Variants in CD300E observed in about 807,000 individuals in gnomAD.
The protein encoded by CD300E is CMRF35-like molecule 2.
CD300E carries 14 observed loss-of-function variants against 20.9 expected under a neutral mutation model. The observed-to-expected ratio is 0.67, with a 90% CI of 0.44 to 1.05. CD300E has a LOEUF of 1.05. Among genes scored for constraint, CD300E ranks in the 50% least tolerant of loss-of-function variants. The pLI is 0.00. For synonymous variants in CD300E, 102 were observed against 103.7 expected (o/e 0.98, Z 0.10); for missense variants, 237 against 253.9 (o/e 0.93, Z 0.45).
rs528305524 is a variant in CD300E at position 74,623,724 on chromosome 17, T to C, written c.-103A>G. 1 of 1,188,598 alleles carries C rather than the reference T, an allele frequency of 8.4e-7. No individual in the cohort carries two copies. Among genetic ancestry groups the C allele is most frequent in the South Asian group, 1.2e-5 (1 of 82,200 alleles). The allele number at this position is 1,188,598 out of a possible 1,614,324, so 73.6% of individuals were successfully genotyped here. On this transcript the variant is annotated 5_prime_UTR_variant, in exon 1 of 4. Coordinates refer to ENST00000392619, the MANE Select transcript of CD300E (RefSeq NM_181449.3). ...TCATCCACTTTCTACTTGTCCAAGT[T>C]TCCTTTGTGTTCTCACTCATCTATT...
intron 2 of CD300E, among the ~76,000 whole-genome samples, chr17:74,614,279 C>G (rs2030850898): frequency 1.3e-5 from 2 of 152,030 alleles, no homozygotes; most frequent in South Asian, 2.1e-4. Flanking sequence ...AAGACTCTTA[C>G]CACTCTGCCC....
chr17:74,621,120 A>T (rs999379587), intron 1 of CD300E, among the ~76,000 whole-genome samples: 1 of 152,210 alleles, frequency 6.6e-6, no homozygotes, highest in Non-Finnish European at 1.5e-5. Context: ...AGACCCTCAG[A>T]TGTAGAGCAT....
Position 74,612,667 on chromosome 17 carries a change from G to T in CD300E, c.604C>A (p.Pro202Thr). The T allele has an allele frequency of 3.7e-6, 6 of 1,613,674 alleles. No homozygotes were observed. Among genetic ancestry groups the T allele is most frequent in the Non-Finnish European group, 5.1e-6 (6 of 1,179,952 alleles). ...TCAGCCTGGCTCTATCTTCCAGGAG[G>T]AGCCCACTGAGGCCTGTTCACCCAG... ...VFWVNRPQWAPPGR is the reference protein window; with the variant it reads ...VFWVNRPQWATPGR Residue 202 changes from proline (P) to threonine (T), a missense_variant, in exon 4 of 4, where the codon CCT becomes ACT. Physicochemically the swap from Pro to Thr is conservative, Grantham distance 38. Transcript: ENST00000392619.
intron 1 of CD300E, 110 bp from the exon 2 acceptor site, chr17:74,617,575 G>A (rs1254695891): frequency 2.3e-6 from 2 of 888,164 alleles, no homozygotes; most frequent in African/African-American, 3.4e-5. Flanking sequence ...TGTTTCCTGG[G>A]AGGGGAACCT....
chr17:74,612,722 G>A lies in CD300E; in HGVS notation c.549C>T (p.Pro183=), dbSNP rs148834619. The change falls in exon 4 of 4, where the codon CCC becomes CCT. Residue 183 remains proline, a synonymous_variant. Transcript: ENST00000392619. ...HFLLVVLLKL[P]LLLSMLGAVF... ...CAGCACCCAGCATGCTCAGGAGCAGGGGCAGCTTCAGAAGGACCACGAGCA... is the reference window on the plus strand; with the variant it reads ...CAGCACCCAGCATGCTCAGGAGCAGAGGCAGCTTCAGAAGGACCACGAGCA... The A allele has an allele frequency of 4.4e-3, 7,027 of 1,614,004 alleles. 18 individuals carry two copies. The highest frequency in any genetic ancestry group is 5.5e-3 in the Non-Finnish European group (6,520 of 1,179,982).
intron 3 of CD300E, 22 bp downstream of exon 3, chr17:74,613,903 C>A: frequency 1.9e-6 from 3 of 1,579,558 alleles, no homozygotes; most frequent in Non-Finnish European, 2.6e-6. Flanking sequence ...CCCTCCATGG[C>A]CTCCAGGCCC....
At chr17:74,619,437 T>C (rs1230821059) in intron 1 of CD300E, 8 of 196,768 alleles carry the variant, frequency 4.1e-5, no homozygotes, top group Non-Finnish European at 8.5e-5. Context: ...TCCAGGCTCC[T>C]TCCAGCCCAA....
chr17:74,622,374 C>T (rs1220517665), intron 1 of CD300E, among the ~76,000 whole-genome samples: 1 of 151,920 alleles, frequency 6.6e-6, no homozygotes, highest in Admixed American at 6.5e-5. Flanking sequence ...TTTGGGAGGT[C>T]AAGAGAGGAG....
intron 1 of CD300E, among the ~76,000 whole-genome samples, chr17:74,618,442 A>T (rs1001643461): frequency 6.6e-6 from 1 of 152,182 alleles, no homozygotes; most frequent in Admixed American, 6.5e-5. Flanking sequence ...AAGAGGATGA[A>T]TACGCGCAGG....
intron 1 of CD300E, chr17:74,619,165 T>C (rs951953614): frequency 1.5e-5 from 7 of 470,562 alleles, no homozygotes; most frequent in South Asian, 3.1e-5. Context: ...TCCTTCTAGG[T>C]TCTGGACAGA....
chr17:74,612,846 C>G (rs1023488406), intron 3 of CD300E, 73 bp from the exon 4 acceptor site: 25 of 1,574,906 alleles, frequency 1.6e-5, no homozygotes, highest in Admixed American at 1.2e-4. Flanking sequence ...CCACCTCTCC[C>G]CATGCTCTGA....
intron 1 of CD300E, among the ~76,000 whole-genome samples, chr17:74,620,297 C>G (rs966072402): frequency 6.6e-6 from 1 of 152,098 alleles, no homozygotes; most frequent in East Asian, 1.9e-4. Flanking sequence ...CATGGTGAAA[C>G]CCCGTCTATA....
At position 74,617,486 on chromosome 17, in the gene CD300E, T is replaced by C. The variant is rs770377809; in HGVS notation, c.41-21A>G. 6.9e-6 allele frequency: 11 copies of C among 1,590,952 alleles called. No homozygotes were observed. In the East Asian group the frequency reaches 2.5e-4, roughly 36 times the overall value. ...ACAGCCTGGAAAACACAAGCCCGAG[T>C]CCCAAGTCTCCATCCAGATGGCCCC... On this transcript the variant is annotated intron_variant, in intron 1 of 3. Coordinates refer to ENST00000392619, the MANE Select transcript of CD300E (RefSeq NM_181449.3).
In CD300E at chr17:74,623,694, C is replaced by G. The variant is rs746484713; in HGVS notation, c.-73G>C. On this transcript the variant is annotated 5_prime_UTR_variant, in exon 1 of 4. Transcript: ENST00000392619. ...GGAATCCAAGTATATGTAACGGAGC[C>G]TGGGTCATCCACTTTCTACTTGTCC... The G allele has an allele frequency of 1.1e-5, 17 of 1,491,780 alleles. No homozygotes were observed. Among genetic ancestry groups the G allele is most frequent in the African/African-American group, 4.1e-5 (3 of 72,458 alleles). 92.4% of individuals were successfully genotyped at this position (1,491,780 alleles called of 1,614,324 possible).
chr17:74,621,193 A>G (rs957381433), intron 1 of CD300E, among the ~76,000 whole-genome samples: 1 of 152,254 alleles, frequency 6.6e-6, no homozygotes, highest in Non-Finnish European at 1.5e-5. Flanking sequence ...GCAAATTTTC[A>G]TGCAAAGTAT....
At chr17:74,613,698 C>T (rs757508895) in intron 3 of CD300E, among the ~76,000 whole-genome samples, 6 of 152,178 alleles carry the variant, frequency 3.9e-5, no homozygotes, top group Non-Finnish European at 8.8e-5. Context: ...CTGAACTCAA[C>T]CTTCGACCTG....
intron 1 of CD300E, among the ~76,000 whole-genome samples, chr17:74,619,550 T>A (rs1219032299): frequency 3.3e-5 from 5 of 152,074 alleles, no homozygotes; most frequent in Non-Finnish European, 7.4e-5. Flanking sequence ...ACTCTCCTGA[T>A]TACAACCTGG....
chr17:74,614,166 C>CCCTGG, intron 2 of CD300E, 133 bp from the exon 3 acceptor site: 1 of 725,980 alleles, frequency 1.4e-6, no homozygotes, highest in Non-Finnish European at 2.3e-6. Context: ...AGATCCAGGG[C>CCCTGG]ACCTCCTGGG....
rs368834249 is a variant in CD300E at position 74,617,483 on chromosome 17, G to C, written c.41-18C>G. On this transcript the variant is annotated intron_variant, in intron 1 of 3. Coordinates refer to ENST00000392619, the MANE Select transcript of CD300E (RefSeq NM_181449.3). ...CAAACAGCCTGGAAAACACAAGCCCGAGTCCCAAGTCTCCATCCAGATGGC... is the reference window on the plus strand; with the variant it reads ...CAAACAGCCTGGAAAACACAAGCCCCAGTCCCAAGTCTCCATCCAGATGGC... 2 of 1,596,084 alleles carry C rather than the reference G, an allele frequency of 1.3e-6. No individual in the cohort carries two copies. Among genetic ancestry groups the C allele is most frequent in the African/African-American group, 2.7e-5 (2 of 74,604 alleles).
Sources: gnomAD v4.1 joint callset for allele counts (sites outside exome capture counted in the v4.1 genomes callset) on GRCh38, gnomAD v4.1.1 for gene constraint, MANE v1.5 for transcripts, NCBI Gene and HGNC (gene_info 2026-07-23, HGNC 2026-07-21) for gene names.